The following PIBF1 variants were observed in gnomAD, a reference collection of about 807,000 sequenced individuals.
PIBF1 encodes the protein progesterone immunomodulatory binding factor 1, also known as progesterone-induced-blocking factor 1.
PIBF1 carries 90 observed loss-of-function variants against 112.5 expected under a neutral mutation model. That is an observed-to-expected ratio of 0.80 (90% CI 0.67 to 0.95). PIBF1 has a LOEUF of 0.95. PIBF1 is among the 40% of genes least tolerant of loss of function. The pLI is 0.00. For synonymous variants in PIBF1, 301 were observed against 288.6 expected, an observed-to-expected ratio of 1.04 and a Z score of -0.44; for missense variants, 915 against 852.3, an observed-to-expected ratio of 1.07 and a Z score of -0.92.
At chr13:72,847,862 G>A (rs904935624) in intron 9 of PIBF1, among the ~76,000 whole-genome samples, 4 of 152,126 alleles carry the variant, frequency 2.6e-5, no homozygotes, top group African/African-American at 9.7e-5. Flanking sequence ...TAAAAACAAA[G>A]GCATCAGATA....
chr13:72,925,316 A>G (rs541417773), intron 13 of PIBF1, among the ~76,000 whole-genome samples: 1 of 152,290 alleles, frequency 6.6e-6, no homozygotes, highest in African/African-American at 2.4e-5. Flanking sequence ...GACAATGCTC[A>G]GTATTGGTTG....
At chr13:72,876,467 A>G (rs1005027053) in intron 10 of PIBF1, among the ~76,000 whole-genome samples, 2 of 152,084 alleles carry the variant, frequency 1.3e-5, no homozygotes, top group African/African-American at 4.8e-5. Flanking sequence ...TATATCCACA[A>G]AATAGATTGT....
At chr13:72,835,120 A>T in intron 8 of PIBF1, 123 bp from the exon 9 acceptor site, 1 of 543,316 alleles carries the variant, frequency 1.8e-6, no homozygotes, top group Admixed American at 3.4e-5. Flanking sequence ...TTAATAGTTA[A>T]GTTTTTCAGG....
intron 14 of PIBF1, among the ~76,000 whole-genome samples, chr13:72,955,138 A>G (rs2042407467): frequency 6.6e-6 from 1 of 152,206 alleles, no homozygotes; most frequent in South Asian, 2.1e-4. Flanking sequence ...ATTATGTTGG[A>G]CATAACATTT....
intron 9 of PIBF1, among the ~76,000 whole-genome samples, chr13:72,841,891 T>C (rs1245736767): frequency 6.6e-6 from 1 of 152,236 alleles, no homozygotes; most frequent in Non-Finnish European, 1.5e-5. Context: ...TTTGGTACCT[T>C]GTGCCTATGT....
At chr13:72,854,457 A>G (rs1436954475) in intron 10 of PIBF1, among the ~76,000 whole-genome samples, 2 of 152,288 alleles carry the variant, frequency 1.3e-5, no homozygotes, top group East Asian at 1.9e-4. Context: ...AACTGCTACT[A>G]CTCAAGAGGC....
chr13:72,933,265 A>C (rs2041766069), intron 14 of PIBF1, among the ~76,000 whole-genome samples: 1 of 152,266 alleles, frequency 6.6e-6, no homozygotes, highest in African/African-American at 2.4e-5. Flanking sequence ...GGCTGGATGC[A>C]GTGGCTCATG....
At chr13:72,850,391 A>G (rs1246710336) in intron 9 of PIBF1, among the ~76,000 whole-genome samples, 1 of 152,236 alleles carries the variant, frequency 6.6e-6, no homozygotes, top group East Asian at 1.9e-4. Flanking sequence ...CTTTGTGGCC[A>G]TAGAATTTTG....
At chr13:73,003,964 G>A (rs1021339295) in intron 17 of PIBF1, among the ~76,000 whole-genome samples, 3 of 151,562 alleles carry the variant, frequency 2.0e-5, no homozygotes, top group African/African-American at 7.3e-5. Flanking sequence ...TCCCACCATG[G>A]CTATAATCTC....
In PIBF1 at chr13:72,886,428, T is replaced by TTTTTATAACACTGTTATAAAAA. The variant is rs1379090716; in HGVS notation, c.1323-7345_1323-7324dup. On this transcript the variant is annotated intron_variant, in intron 10 of 17. Transcript: ENST00000326291. ...CCCAATCAGACCTAGTGTTATAAAG[T>TTTTTATAACACTGTTATAAAAA]TTTTATAACACTGTTATAAAAATTT... is the stretch of plus-strand genomic sequence containing the variant. Among the ~76,000 whole-genome samples the TTTTTATAACACTGTTATAAAAA allele has an allele frequency of 3.7e-3, 560 of 151,276 alleles. 3 individuals carry two copies. The highest frequency in any genetic ancestry group is 6.3e-3 in the Admixed American group (96 of 15,226).
At chr13:72,904,806 A>C (rs2040634570) in intron 11 of PIBF1, among the ~76,000 whole-genome samples, 1 of 151,918 alleles carries the variant, frequency 6.6e-6, no homozygotes, top group African/African-American at 2.4e-5. Context: ...AAATACACTT[A>C]TAATACTAGG....
At chr13:72,973,313 G>A (rs1409487959) in intron 15 of PIBF1, among the ~76,000 whole-genome samples, 7 of 147,898 alleles carry the variant, frequency 4.7e-5, no homozygotes, top group Non-Finnish European at 8.9e-5. Context: ...AAAGAAAAGA[G>A]GAGAGGGAAG....
At position 72,795,554 on chromosome 13, in the gene PIBF1, A is replaced by G. The variant is rs1566279211; in HGVS notation, c.549A>G (p.Val183=). The G allele has an allele frequency of 2.0e-6, 3 of 1,473,814 alleles. No homozygotes were observed. The highest frequency in any genetic ancestry group is 2.8e-6 in the Non-Finnish European group (3 of 1,068,470). The allele number at this position is 1,473,814 out of a possible 1,614,324, so 91.3% of individuals were successfully genotyped here. A position where few individuals can be genotyped will look rare whatever the true frequency, so the allele number is the denominator to read the frequency against. ...ATCAGCTTTCTATTCCTGAATATGTATCTGTAAGTATCTTATATCTATTTT... is the reference window on the plus strand; with the variant it reads ...ATCAGCTTTCTATTCCTGAATATGTGTCTGTAAGTATCTTATATCTATTTT... ...PEDQLSIPEY[V]SVRFYELVNP... The change falls in exon 4 of 18, where the codon GTA becomes GTG. Residue 183 remains valine (V), a synonymous_variant. Coordinates refer to ENST00000326291, the MANE Select transcript of PIBF1 (RefSeq NM_006346.4).
intron 10 of PIBF1, among the ~76,000 whole-genome samples, chr13:72,884,107 A>G (rs760634588): frequency 5.9e-5 from 9 of 152,216 alleles, no homozygotes; most frequent in Admixed American, 1.3e-4. Flanking sequence ...GTACCTATAA[A>G]AATTAAAGAT....
intron 14 of PIBF1, among the ~76,000 whole-genome samples, chr13:72,933,516 G>T (rs1413266825): frequency 1.3e-5 from 2 of 152,208 alleles, no homozygotes; most frequent in African/African-American, 4.8e-5. Context: ...ACAAAAATTA[G>T]CTGGGCATGA....
chr13:72,900,593 GTCAAC>G (rs2040448586), intron 11 of PIBF1, among the ~76,000 whole-genome samples: 1 of 152,162 alleles, frequency 6.6e-6, no homozygotes, highest in Admixed American at 6.5e-5. Context: ...TTATACAAAA[GTCAAC>G]TCAAGATGGA....
At chr13:73,002,448 G>A (rs866316738) in intron 17 of PIBF1, among the ~76,000 whole-genome samples, 21 of 151,950 alleles carry the variant, frequency 1.4e-4, no homozygotes, top group African/African-American at 5.1e-4. Flanking sequence ...TTTTTTCCCA[G>A]CCTCACTTAT....
chr13:72,956,674 A>T lies in PIBF1; in HGVS notation c.1834-8600A>T, dbSNP rs193076740. On this transcript the variant is annotated intron_variant, in intron 14 of 17. Transcript: ENST00000326291. ...GATGGCTCTTTAGTCTATTTAGCTG[A>T]TGTCTTCATCTTCTAGCCCTTAAAT... Among the ~76,000 whole-genome samples the T allele has an allele frequency of 9.9e-4, 151 of 152,312 alleles. 1 individual carries two copies. Among genetic ancestry groups the T allele is most frequent in the African/African-American group, 3.3e-3 (139 of 41,560 alleles).
chr13:72,888,998 G>T (rs1210247628), intron 10 of PIBF1, among the ~76,000 whole-genome samples: 1 of 151,554 alleles, frequency 6.6e-6, no homozygotes, highest in African/African-American at 2.4e-5. Context: ...CCAGGATTTC[G>T]ACACCAGCCT....
Sources: gnomAD v4.1 joint callset for allele counts (sites outside exome capture counted in the v4.1 genomes callset) on GRCh38, gnomAD v4.1.1 for gene constraint, MANE v1.5 for transcripts, NCBI Gene and HGNC (gene_info 2026-07-23, HGNC 2026-07-21) for gene names.